RMDN2: variants seen among roughly 807,000 people sequenced by gnomAD.
RMDN2 encodes the protein regulator of microtubule dynamics 2.
A neutral mutation model predicts 52.8 loss-of-function variants in RMDN2; 61 were observed. The observed-to-expected ratio is 1.16, with a 90% CI of 0.94 to 1.43. RMDN2 has a LOEUF of 1.43. Ranked by LOEUF, RMDN2 falls within the 40% of genes most tolerant of loss-of-function variation. The pLI is 0.00. For synonymous variants in RMDN2, 180 were observed against 153.1 expected (o/e 1.18, Z -1.30); for missense variants, 592 against 475.3 (o/e 1.25, Z -2.28).
At position 37,935,201 on chromosome 2, in the gene RMDN2, C is replaced by T. The variant is rs1426560060; in HGVS notation, c.452+5472C>T. On this transcript the variant is annotated intron_variant, in intron 2 of 10. Transcript: ENST00000354545. ...CCCAGAATACCAGCATAATGTCAGG[C>T]ATAGTATATATTGCCTTAGATAATA... is the stretch of plus-strand genomic sequence containing the variant. 1.1e-4 allele frequency among the ~76,000 whole-genome samples: 17 copies of T among 152,252 alleles called. 1 individual carries two copies. The East Asian group carries it at 3.3e-3, about 29-fold the overall frequency.
At chr2:38,024,828 A>G (rs58820502) in intron 10 of RMDN2, among the ~76,000 whole-genome samples, 11,242 of 152,134 alleles carry the variant, frequency 0.074, 1,371 homozygotes, top group African/African-American at 0.25. Flanking sequence ...ACCTTTCTCA[A>G]AATCAGCTTT....
At chr2:38,043,420 A>G (rs1681084534) in intron 10 of RMDN2, among the ~76,000 whole-genome samples, 2 of 152,138 alleles carry the variant, frequency 1.3e-5, no homozygotes, top group South Asian at 4.1e-4. Flanking sequence ...ACATATAGTC[A>G]GATCCAATCC....
intron 2 of RMDN2, among the ~76,000 whole-genome samples, chr2:37,959,260 C>T (rs375274135): frequency 4.0e-5 from 6 of 150,962 alleles, no homozygotes; most frequent in African/African-American, 9.9e-5. Context: ...TGGTAGAATT[C>T]AGCTGTGAAT....
intron 10 of RMDN2, among the ~76,000 whole-genome samples, chr2:38,048,810 T>A (rs62136320): frequency 3.3e-5 from 5 of 152,258 alleles, no homozygotes; most frequent in African/African-American, 1.2e-4. Flanking sequence ...TTATTAGCAC[T>A]GTCGCAACTT....
chr2:37,997,420 C>G lies in RMDN2; in HGVS notation c.950C>G (p.Ser317Ter). ...YLKGRYCYTV[S>*]KLSWIEKKMA... ...GATGTTGTTGTGTATTTGCAGGTCT[C>G]AAAACTGAGCTGGATTGAGAAAAAA... Residue 317 changes from serine to a stop codon, truncating the protein, a stop_gained, in exon 8 of 11, where the codon TCA (serine) becomes TGA (stop). Coordinates refer to ENST00000354545, the MANE Select transcript of RMDN2 (RefSeq NM_001170791.3). LOFTEE classifies it high-confidence loss of function. 6.2e-7 allele frequency: 1 copy of G among 1,610,980 alleles called. No individual in the cohort carries two copies.
At chr2:37,982,463 G>T (rs1673450863) in intron 5 of RMDN2, among the ~76,000 whole-genome samples, 1 of 152,158 alleles carries the variant, frequency 6.6e-6, no homozygotes, top group African/African-American at 2.4e-5. Flanking sequence ...ATGAGAGAGT[G>T]GAAGGCAGAA....
chr2:38,006,152 G>T (rs1166740255), intron 10 of RMDN2, among the ~76,000 whole-genome samples: 1 of 152,166 alleles, frequency 6.6e-6, no homozygotes, highest in Non-Finnish European at 1.5e-5. Context: ...CTCCAGCTTT[G>T]TTCTTTTGGC....
chr2:38,010,096 G>T (rs1048603199), intron 10 of RMDN2, among the ~76,000 whole-genome samples: 1 of 152,224 alleles, frequency 6.6e-6, no homozygotes, highest in Non-Finnish European at 1.5e-5. Flanking sequence ...GAGTACCCGG[G>T]CATCTGAGGT....
At chr2:37,924,600 C>T (rs1341423551), upstream of RMDN2, among the ~76,000 whole-genome samples, 2 of 152,344 alleles carry the variant, frequency 1.3e-5, no homozygotes, top group East Asian at 1.9e-4. Flanking sequence ...TTCCTGACCT[C>T]AGGTGATCCG....
intron 10 of RMDN2, among the ~76,000 whole-genome samples, chr2:38,011,600 G>A (rs1468630606): frequency 6.6e-6 from 1 of 152,100 alleles, no homozygotes; most frequent in Non-Finnish European, 1.5e-5. Context: ...GCCTAGAAGG[G>A]AATATATGAT....
chr2:37,974,280 G>T (rs1362756230), intron 3 of RMDN2, 66 bp downstream of exon 3: 2 of 1,018,736 alleles, frequency 2.0e-6, no homozygotes, highest in Non-Finnish European at 2.8e-6. Context: ...ATCTGTTTCA[G>T]TTATAACTAT....
chr2:38,014,801 A>C (rs1328252966), intron 10 of RMDN2, among the ~76,000 whole-genome samples: 1 of 152,240 alleles, frequency 6.6e-6, no homozygotes, highest in Non-Finnish European at 1.5e-5. Flanking sequence ...TGTGATACAA[A>C]GAGAAAAAAA....
At chr2:37,974,964 T>G in intron 3 of RMDN2, 16 of 419,548 alleles carry the variant, frequency 3.8e-5, no homozygotes, top group East Asian at 5.2e-5. Context: ...TCTGCATAGA[T>G]GGAGCTAGTG....
chr2:37,996,392 C>T (rs1282628747), intron 7 of RMDN2, among the ~76,000 whole-genome samples: 2 of 151,686 alleles, frequency 1.3e-5, no homozygotes, highest in African/African-American at 4.8e-5. Context: ...CAGGACCAGC[C>T]TGGACAATAT....
upstream of RMDN2, among the ~76,000 whole-genome samples, chr2:37,922,726 G>C (rs1666064898): frequency 6.6e-6 from 1 of 152,224 alleles, no homozygotes; most frequent in South Asian, 2.1e-4. Flanking sequence ...CATAAGTTTT[G>C]ATGGGGCATG....
chr2:37,979,593 A>T (rs1673033835), intron 4 of RMDN2, among the ~76,000 whole-genome samples: 1 of 152,378 alleles, frequency 6.6e-6, no homozygotes, highest in East Asian at 1.9e-4. Flanking sequence ...GTATTATGAT[A>T]TGAATCTTTA....
intron 5 of RMDN2, among the ~76,000 whole-genome samples, chr2:37,984,352 T>C (rs1352146753): frequency 6.6e-6 from 1 of 152,222 alleles, no homozygotes; most frequent in Non-Finnish European, 1.5e-5. Flanking sequence ...AGTAATGTCT[T>C]ACATATTGGT....
intron 2 of RMDN2, chr2:37,951,711 T>C: frequency 6.2e-7 from 1 of 1,612,608 alleles, no homozygotes; most frequent in Non-Finnish European, 8.5e-7. Flanking sequence ...TTCTAAAACT[T>C]CAAGTAATAC....
At chr2:37,935,487 A>G (rs947011150) in intron 2 of RMDN2, among the ~76,000 whole-genome samples, 5 of 152,188 alleles carry the variant, frequency 3.3e-5, no homozygotes, top group Non-Finnish European at 7.3e-5. Context: ...CCTTGCTGTT[A>G]TAGTTGTCTA....
Sources: gnomAD v4.1 joint callset for allele counts (sites outside exome capture counted in the v4.1 genomes callset) on GRCh38, gnomAD v4.1.1 for gene constraint, MANE v1.5 for transcripts, NCBI Gene and HGNC (gene_info 2026-07-23, HGNC 2026-07-21) for gene names.